FBXO11: variants seen among roughly 807,000 people sequenced by gnomAD.
FBXO11 encodes the protein F-box only protein 11.
A neutral mutation model predicts 117.0 loss-of-function variants in FBXO11; 13 were observed. The observed-to-expected ratio is 0.11, with a 90% CI of 0.07 to 0.18. The LOEUF (loss-of-function observed/expected upper bound fraction) is 0.18, where lower values mean the gene tolerates loss of function less well. Among genes scored for constraint, FBXO11 ranks in the 10% least tolerant of loss-of-function variants. The pLI is 1.00. For synonymous variants in FBXO11, 490 were observed against 380.5 expected (o/e 1.29, Z -3.35); for missense variants, 767 against 1,164.4 (o/e 0.66, Z 4.97).
intron 11 of FBXO11, among the ~76,000 whole-genome samples, chr2:47,828,248 T>C (rs1368689112): frequency 1.3e-5 from 2 of 152,250 alleles, no homozygotes; most frequent in East Asian, 1.9e-4. Flanking sequence ...CCCGAAGTGC[T>C]GGGATTACAG....
chr2:47,883,825 G>T, intron 1 of FBXO11: 1 of 214,778 alleles, frequency 4.7e-6, no homozygotes, highest in South Asian at 8.2e-5. Flanking sequence ...AGATGAATGT[G>T]GTGCTGCAGT....
chr2:47,810,510 GT>G (rs1670538549), intron 18 of FBXO11, 84 bp from the exon 19 acceptor site: 1 of 777,032 alleles, frequency 1.3e-6, no homozygotes, highest in South Asian at 2.1e-5. Context: ...TTTGCTTTTA[GT>G]TTCTTATTTA....
intron 1 of FBXO11, among the ~76,000 whole-genome samples, chr2:47,879,142 C>T (rs1272396088): frequency 6.6e-6 from 1 of 152,144 alleles, no homozygotes; most frequent in African/African-American, 2.4e-5. Flanking sequence ...TTTCTTACAG[C>T]TGCATGGTAT....
intron 1 of FBXO11, among the ~76,000 whole-genome samples, chr2:47,858,758 A>G (rs557522970): frequency 6.6e-6 from 1 of 151,714 alleles, no homozygotes. Flanking sequence ...CTTATCTAGA[A>G]AAAGGGTCGG....
At chr2:47,868,893 G>C (rs937132240) in intron 1 of FBXO11, among the ~76,000 whole-genome samples, 2 of 152,206 alleles carry the variant, frequency 1.3e-5, no homozygotes, top group African/African-American at 4.8e-5. Context: ...CACTGGCATA[G>C]ACACTTCACA....
At chr2:47,860,877 A>C (rs1572861857) in intron 1 of FBXO11, among the ~76,000 whole-genome samples, 3 of 119,118 alleles carry the variant, frequency 2.5e-5, no homozygotes, top group South Asian at 2.5e-4. Flanking sequence ...ACGGAGTTTC[A>C]CTCTCGTTGC....
chr2:47,856,859 T>C (rs1379858486), intron 1 of FBXO11, among the ~76,000 whole-genome samples: 1 of 152,204 alleles, frequency 6.6e-6, no homozygotes, highest in African/African-American at 2.4e-5. Flanking sequence ...AATGTCGTAA[T>C]ACAAAGGACG....
rs1558430738 is a variant in FBXO11, at chr2:47,839,436, T to C, written c.425A>G (p.Lys142Arg). Residue 142 changes from lysine (K) to arginine (R), a missense_variant, in exon 3 of 23, where the codon AAA becomes AGA. Around this residue, in one of 10 missense-constraint regions of FBXO11, gnomAD observed 355 missense variants for 299.8 expected, o/e 1.18. Coordinates refer to ENST00000403359, the MANE Select transcript of FBXO11 (RefSeq NM_001190274.2). ...GGAAATACCTGATAGATCTTGTGAT[T>C]TTCCAGACACTCTTGCACGTTTTGC... ...HRAKRARVSG[K>R]SQDLSAAPAE... 2 of 1,613,146 alleles carry C rather than the reference T, an allele frequency of 1.2e-6. No individual in the cohort carries two copies. The highest frequency in any genetic ancestry group is 1.3e-5 in the African/African-American group (1 of 75,020).
chr2:47,815,039 C>T (rs1420956257), intron 16 of FBXO11, among the ~76,000 whole-genome samples: 1 of 152,210 alleles, frequency 6.6e-6, no homozygotes, highest in Non-Finnish European at 1.5e-5. Flanking sequence ...TCTAATTCTA[C>T]TTCTCTTGCA....
At chr2:47,809,823 T>A in intron 19 of FBXO11, 116 bp from the exon 20 acceptor site, 1 of 637,668 alleles carries the variant, frequency 1.6e-6, no homozygotes, top group Non-Finnish European at 2.7e-6. Context: ...ACCCTCTTAA[T>A]GTCTACTGAA....
chr2:47,822,762 G>C (rs931307004), intron 12 of FBXO11, among the ~76,000 whole-genome samples: 2 of 152,116 alleles, frequency 1.3e-5, no homozygotes, highest in Non-Finnish European at 2.9e-5. Context: ...AAGAATCTTT[G>C]AGATATTTTT....
intron 1 of FBXO11, among the ~76,000 whole-genome samples, chr2:47,846,713 T>C (rs1274345431): frequency 2.0e-5 from 3 of 152,124 alleles, no homozygotes; most frequent in African/African-American, 7.2e-5. Context: ...GAAATTTTAA[T>C]ATACTTAACA....
chr2:47,848,970 T>C (rs183387513), intron 1 of FBXO11, among the ~76,000 whole-genome samples: 1,858 of 152,270 alleles, frequency 0.012, 8 homozygotes, highest in Non-Finnish European at 0.019. Flanking sequence ...GAAGTTTTTT[T>C]CCCCACAAAT....
chr2:47,814,998 A>G (rs1472426201), intron 16 of FBXO11, among the ~76,000 whole-genome samples: 1 of 152,134 alleles, frequency 6.6e-6, no homozygotes, highest in East Asian at 1.9e-4. Context: ...ATGAGGTTGC[A>G]GCAATTCAGT....
chr2:47,837,075 A>T (rs538797860), intron 4 of FBXO11: 4 of 232,550 alleles, frequency 1.7e-5, no homozygotes, highest in South Asian at 1.7e-4. Context: ...TTTGAACTTA[A>T]TTTGTCCTAT....
In FBXO11 at chr2:47,839,770, C is replaced by T; in HGVS notation, c.233-1G>A. ...ACCATATCTGCAGGCACATCATCAT[C>T]TGTTATAAACAAAAGCAATAAGAAA... On this transcript the variant is annotated splice_acceptor_variant, in intron 1 of 22. Coordinates refer to ENST00000403359, the MANE Select transcript of FBXO11 (RefSeq NM_001190274.2). LOFTEE classifies it high-confidence loss of function. 1 of 1,601,478 alleles carries T rather than the reference C, an allele frequency of 6.2e-7. No individual in the cohort carries two copies. The highest frequency in any genetic ancestry group is 8.5e-7 in the Non-Finnish European group (1 of 1,176,902).
chr2:47,825,517 G>C (rs1306695856), intron 11 of FBXO11, among the ~76,000 whole-genome samples: 3 of 147,440 alleles, frequency 2.0e-5, no homozygotes, highest in Non-Finnish European at 4.5e-5. Flanking sequence ...ATAACTCTTA[G>C]TCTCTCTCTG....
intron 1 of FBXO11, among the ~76,000 whole-genome samples, chr2:47,886,450 G>A (rs1215801517): frequency 6.7e-6 from 1 of 149,996 alleles, no homozygotes; most frequent in Non-Finnish European, 1.5e-5. Flanking sequence ...AGGTTGCAGT[G>A]AGCTGAGATC....
chr2:47,886,864 G>T lies in FBXO11; in HGVS notation c.232+18625C>A, dbSNP rs192764811. On this transcript the variant is annotated intron_variant, in intron 1 of 22. Coordinates refer to ENST00000403359, the MANE Select transcript of FBXO11 (RefSeq NM_001190274.2). ...GCCTGTGCAACACAATGAGACCCCT[G>T]TCTCTACCAAAAAAAAAATTAAAAA... Among the ~76,000 whole-genome samples the T allele has an allele frequency of 2.5e-3, 379 of 150,534 alleles. 11 individuals carry two copies. The East Asian group carries it at 0.067, about 27-fold the overall frequency.
Sources: allele counts gnomAD v4.1 joint callset (sites outside exome capture counted in the v4.1 genomes callset), GRCh38; gene constraint gnomAD v4.1.1; regional missense constraint gnomAD v4.1.1; transcripts MANE v1.5; gene names NCBI Gene and HGNC (gene_info 2026-07-23, HGNC 2026-07-21).